The following DIAPH3 variants were observed in gnomAD, a reference collection of about 807,000 sequenced individuals.
The protein encoded by DIAPH3 is protein diaphanous homolog 3.
Under a neutral mutation model 144.3 loss-of-function variants are expected in DIAPH3, and 117 were observed. The ratio of observed to expected loss-of-function variants is 0.81; its 90% CI spans 0.70 to 0.95. The LOEUF (loss-of-function observed/expected upper bound fraction) is 0.95. Among genes scored for constraint, DIAPH3 ranks in the 40% least tolerant of loss-of-function variants. DIAPH3 has a pLI of 0.00. For synonymous variants in DIAPH3, 519 were observed against 488.9 expected, an observed-to-expected ratio of 1.06 and a Z score of -0.81; for missense variants, 1,421 against 1,412.7, an observed-to-expected ratio of 1.01 and a Z score of -0.09.
At chr13:59,732,218 C>A (rs757084994) in intron 27 of DIAPH3, among the ~76,000 whole-genome samples, 14 of 150,444 alleles carry the variant, frequency 9.3e-5, no homozygotes, top group Non-Finnish European at 1.5e-4. Flanking sequence ...AAATTTAGCT[C>A]AAATTATATT....
In DIAPH3 at chr13:59,810,792, C is replaced by G. The variant is rs1433221955; in HGVS notation, c.3159G>C (p.Lys1053Asn). The change falls in exon 25 of 28, where the codon AAG becomes AAC. Residue 1053 changes from lysine to asparagine, a missense_variant. Coordinates refer to ENST00000400324, the MANE Select transcript of DIAPH3 (RefSeq NM_001042517.2). ...QQKKKRLLEM[K>N]TEGDETGVMD... Reference sequence around the variant, plus strand: ...AACAAATTTGATAGTACTCACCAGTCTTCATTTCTAATAAACGCTTTTTCT... The same window carrying G: ...AACAAATTTGATAGTACTCACCAGTGTTCATTTCTAATAAACGCTTTTTCT... 1 of 1,613,124 alleles carries G rather than the reference C, an allele frequency of 6.2e-7. No individual in the cohort carries two copies. The highest frequency in any genetic ancestry group is 8.5e-7 in the Non-Finnish European group (1 of 1,179,826).
At chr13:59,672,475 T>C (rs1049182919) in intron 27 of DIAPH3, among the ~76,000 whole-genome samples, 1 of 152,252 alleles carries the variant, frequency 6.6e-6, no homozygotes, top group Admixed American at 6.5e-5. Context: ...TTTTTAACTA[T>C]TACTTTGACC....
At chr13:60,110,229 G>A (rs1309208037) in intron 3 of DIAPH3, among the ~76,000 whole-genome samples, 1 of 152,170 alleles carries the variant, frequency 6.6e-6, no homozygotes, top group African/African-American at 2.4e-5. Context: ...AACAATCATT[G>A]TAAAAATTGC....
At chr13:60,133,634 T>C (rs1393380100) in intron 1 of DIAPH3, among the ~76,000 whole-genome samples, 2 of 152,188 alleles carry the variant, frequency 1.3e-5, no homozygotes, top group Non-Finnish European at 2.9e-5. Context: ...GCTGATTTCC[T>C]TGCTAGACAA....
chr13:60,125,488 A>T (rs1330529510), intron 2 of DIAPH3, among the ~76,000 whole-genome samples: 4 of 137,680 alleles, frequency 2.9e-5, no homozygotes, highest in Non-Finnish European at 6.1e-5. Flanking sequence ...CAGTCCTCCC[A>T]CTTCAGCCTC....
intron 20 of DIAPH3, among the ~76,000 whole-genome samples, chr13:59,901,544 G>C (rs1477157434): frequency 2.0e-5 from 3 of 152,042 alleles, no homozygotes; most frequent in Admixed American, 6.6e-5. Flanking sequence ...ACTACTATCT[G>C]ATATTACATT....
intron 17 of DIAPH3, among the ~76,000 whole-genome samples, chr13:59,954,810 C>G (rs1289726067): frequency 6.6e-6 from 1 of 151,914 alleles, no homozygotes; most frequent in Non-Finnish European, 1.5e-5. Flanking sequence ...GGGGAAGTAG[C>G]TACACACTTT....
At chr13:60,004,202 G>T (rs932466179) in intron 9 of DIAPH3, among the ~76,000 whole-genome samples, 1 of 152,028 alleles carries the variant, frequency 6.6e-6, no homozygotes, top group Non-Finnish European at 1.5e-5. Context: ...TTTAATTGGC[G>T]ATTTGCTAAT....
intron 16 of DIAPH3, 45 bp from the exon 17 acceptor site, chr13:59,970,103 A>G: frequency 8.5e-7 from 1 of 1,177,882 alleles, no homozygotes; most frequent in Admixed American, 2.0e-5. Flanking sequence ...TGAGTGTTTC[A>G]CCTGTCCCAA....
At chr13:60,061,834 A>T (rs1048481095) in intron 4 of DIAPH3, among the ~76,000 whole-genome samples, 21 of 152,084 alleles carry the variant, frequency 1.4e-4, no homozygotes, top group African/African-American at 5.1e-4. Flanking sequence ...ATATCCCACT[A>T]TTCTCTTTCG....
intron 20 of DIAPH3, among the ~76,000 whole-genome samples, chr13:59,893,005 T>C (rs754230317): frequency 1.3e-5 from 2 of 152,104 alleles, no homozygotes; most frequent in African/African-American, 4.8e-5. Flanking sequence ...ATTAGAGTAT[T>C]TGAAGTTTGT....
chr13:59,865,611 G>A (rs2043871463), intron 21 of DIAPH3, among the ~76,000 whole-genome samples: 1 of 151,906 alleles, frequency 6.6e-6, no homozygotes, highest in African/African-American at 2.4e-5. Flanking sequence ...TGGCATAAAT[G>A]TCAAATAAAC....
intron 17 of DIAPH3, among the ~76,000 whole-genome samples, chr13:59,946,850 G>A (rs1053988358): frequency 2.3e-4 from 35 of 152,024 alleles, no homozygotes; most frequent in African/African-American, 6.5e-4. Flanking sequence ...AATCTGGTAC[G>A]ATAAGGGAAA....
chr13:59,820,622 A>G, intron 24 of DIAPH3, among the ~76,000 whole-genome samples: 1 of 151,560 alleles, frequency 6.6e-6, no homozygotes, highest in Non-Finnish European at 1.5e-5. Context: ...ATCAATGTGC[A>G]TTTTCCCCTC....
chr13:59,825,030 C>T (rs1201220856), intron 24 of DIAPH3, among the ~76,000 whole-genome samples: 14 of 72,788 alleles, frequency 1.9e-4, no homozygotes, highest in Non-Finnish European at 3.1e-5. Context: ...AAAAATGACA[C>T]ATTTATTTTA....
At chr13:59,958,430 A>T (rs1038547149) in intron 17 of DIAPH3, among the ~76,000 whole-genome samples, 2 of 152,116 alleles carry the variant, frequency 1.3e-5, no homozygotes, top group African/African-American at 2.4e-5. Context: ...TCAACAGGCA[A>T]TGTAGACATT....
At chr13:59,773,310 A>G (rs1287170186) in intron 27 of DIAPH3, among the ~76,000 whole-genome samples, 1 of 152,154 alleles carries the variant, frequency 6.6e-6, no homozygotes, top group Non-Finnish European at 1.5e-5. Context: ...TATTTACCTA[A>G]TAATTATTTT....
chr13:59,943,515 C>T (rs1313976470), intron 17 of DIAPH3, among the ~76,000 whole-genome samples: 11 of 152,256 alleles, frequency 7.2e-5, no homozygotes, highest in African/African-American at 2.4e-4. Context: ...TAAAGAAAAT[C>T]TTAATCTATT....
At chr13:59,741,814 C>T (rs2036469496) in intron 27 of DIAPH3, among the ~76,000 whole-genome samples, 1 of 151,770 alleles carries the variant, frequency 6.6e-6, no homozygotes, top group Admixed American at 6.6e-5. Context: ...TAAATAAATT[C>T]AAAATGACAT....
Sources: allele counts gnomAD v4.1 joint callset (sites outside exome capture counted in the v4.1 genomes callset), GRCh38; gene constraint gnomAD v4.1.1; transcripts MANE v1.5; gene names NCBI Gene and HGNC (gene_info 2026-07-23, HGNC 2026-07-21).